KIAA1217: variants seen among roughly 807,000 people sequenced by gnomAD.
The protein encoded by KIAA1217 is sickle tail protein homolog.
Under a neutral mutation model 163.9 loss-of-function variants are expected in KIAA1217, and 88 were observed. The ratio of observed to expected loss-of-function variants is 0.54; its 90% confidence interval spans 0.45 to 0.64. KIAA1217 has a LOEUF of 0.64. KIAA1217 is among the 30% of genes least tolerant of loss of function. KIAA1217 has a pLI of 0.00. For synonymous variants in KIAA1217, 903 were observed against 923.1 expected, an observed-to-expected ratio of 0.98 and a Z score of 0.39; for missense variants, 2,372 against 2,475.0, an observed-to-expected ratio of 0.96 and a Z score of 0.88.
intron 3 of KIAA1217, among the ~76,000 whole-genome samples, chr10:24,424,982 G>A (rs989287332): frequency 2.0e-5 from 3 of 152,160 alleles, no homozygotes; most frequent in Admixed American, 6.5e-5. Flanking sequence ...GGAATCTTTT[G>A]CTTACCTTAA....
intron 1 of KIAA1217, among the ~76,000 whole-genome samples, chr10:23,987,866 T>C: frequency 6.6e-6 from 1 of 152,124 alleles, no homozygotes; most frequent in East Asian, 1.9e-4. Flanking sequence ...AAACCTCTCA[T>C]TGTTATCTTG....
At chr10:24,178,946 G>A (rs1245113904) in intron 2 of KIAA1217, among the ~76,000 whole-genome samples, 3 of 152,034 alleles carry the variant, frequency 2.0e-5, no homozygotes, top group Non-Finnish European at 4.4e-5. Flanking sequence ...TCACTTTTGA[G>A]CATTTCTTCC....
intron 1 of KIAA1217, among the ~76,000 whole-genome samples, chr10:23,996,035 A>G (rs1279593117): frequency 6.6e-6 from 1 of 152,156 alleles, no homozygotes; most frequent in African/African-American, 2.4e-5. Context: ...TGCAAATTCA[A>G]ACTGGGGTTG....
intron 2 of KIAA1217, among the ~76,000 whole-genome samples, chr10:24,300,483 T>G (rs2041180427): frequency 6.6e-6 from 1 of 152,162 alleles, no homozygotes; most frequent in Non-Finnish European, 1.5e-5. Context: ...ATATCCTGCC[T>G]CTGTTTCTAC....
rs539790862 is a variant in KIAA1217 at position 23,878,077 on chromosome 10, T to G, written c.-320-129148T>G. On this transcript the variant is annotated intron_variant, in intron 1 of 18. Coordinates refer to the KIAA1217 transcript ENST00000376462. ...AGGCACAAATGCCCTCTGCTTTTTT[T>G]TCTTGGCAGGGAGGCTCTAAAACAA... Among the ~76,000 whole-genome samples, 6 of 152,052 alleles carry G rather than the reference T, an allele frequency of 3.9e-5. No homozygotes were observed. In the East Asian group the frequency reaches 7.8e-4, roughly 20 times the overall value.
At chr10:24,172,746 C>A (rs144705210) in intron 2 of KIAA1217, among the ~76,000 whole-genome samples, 3 of 152,308 alleles carry the variant, frequency 2.0e-5, no homozygotes, top group Admixed American at 6.5e-5. Context: ...AGTTCCCTAC[C>A]TGTGCACAAG....
At chr10:24,490,951 T>C (rs2066035858) in intron 6 of KIAA1217, among the ~76,000 whole-genome samples, 1 of 152,204 alleles carries the variant, frequency 6.6e-6, no homozygotes, top group Non-Finnish European at 1.5e-5. Context: ...GGAGTGCATA[T>C]AGCCCTTTTG....
At chr10:23,869,727 TAAG>T (rs1317983645) in intron 1 of KIAA1217, among the ~76,000 whole-genome samples, 1 of 152,078 alleles carries the variant, frequency 6.6e-6, no homozygotes, top group Non-Finnish European at 1.5e-5. Flanking sequence ...GCCACACTGG[TAAG>T]ACAAGTACCA....
intron 2 of KIAA1217, among the ~76,000 whole-genome samples, chr10:24,353,507 C>T (rs140619617): frequency 3.1e-4 from 47 of 152,280 alleles, no homozygotes; most frequent in African/African-American, 1.1e-3. Context: ...CTTTTAATGA[C>T]ATCACTCAGT....
chr10:23,847,434 T>C (rs1334506029), intron 1 of KIAA1217, among the ~76,000 whole-genome samples: 1 of 152,216 alleles, frequency 6.6e-6, no homozygotes, highest in Non-Finnish European at 1.5e-5. Flanking sequence ...GGGATTCGAC[T>C]TCTTCCTGGT....
chr10:23,748,439 T>TGGAAGGAAGGAA (rs1191194593), intron 1 of KIAA1217, among the ~76,000 whole-genome samples: 2 of 133,762 alleles, frequency 1.5e-5, no homozygotes, highest in African/African-American at 6.3e-5. Context: ...GAAATGCTTC[T>TGGAAGGAAGGAA]GGAAGGAAGG....
chr10:23,859,122 A>G (rs1385651680), intron 1 of KIAA1217, among the ~76,000 whole-genome samples: 1 of 152,212 alleles, frequency 6.6e-6, no homozygotes, highest in Non-Finnish European at 1.5e-5. Flanking sequence ...CCATATATGT[A>G]TATGTCTTTG....
intron 1 of KIAA1217, among the ~76,000 whole-genome samples, chr10:23,982,621 T>C (rs1163171293): frequency 2.1e-5 from 3 of 145,012 alleles, no homozygotes; most frequent in Non-Finnish European, 4.5e-5. Context: ...TGGAGTGCAA[T>C]GGCGTGGTCT....
At chr10:23,933,164 T>C (rs1327083930) in intron 1 of KIAA1217, among the ~76,000 whole-genome samples, 1 of 152,246 alleles carries the variant, frequency 6.6e-6, no homozygotes, top group African/African-American at 2.4e-5. Context: ...TAGGGTCTGC[T>C]CGCTTGCATC....
chr10:24,000,645 G>T (rs1277642253), intron 1 of KIAA1217, among the ~76,000 whole-genome samples: 1 of 152,174 alleles, frequency 6.6e-6, no homozygotes, highest in African/African-American at 2.4e-5. Context: ...AGTATCCTGG[G>T]GCACAAGTGG....
intron 10 of KIAA1217, among the ~76,000 whole-genome samples, chr10:24,518,425 G>A (rs150220134): frequency 2.6e-5 from 4 of 152,254 alleles, no homozygotes; most frequent in African/African-American, 9.6e-5. Context: ...AAGCGTCTCC[G>A]TATGCAAGGT....
chr10:24,128,892 A>G (rs1397943916), intron 2 of KIAA1217, among the ~76,000 whole-genome samples: 1 of 152,234 alleles, frequency 6.6e-6, no homozygotes, highest in East Asian at 1.9e-4. Flanking sequence ...TTATTACCTA[A>G]GCTCTCGTAG....
intron 2 of KIAA1217, among the ~76,000 whole-genome samples, chr10:24,151,934 T>C (rs1473967673): frequency 3.3e-5 from 5 of 152,172 alleles, no homozygotes; most frequent in Non-Finnish European, 5.9e-5. Context: ...ATGCTCTATC[T>C]GTACTCTTCC....
intron 2 of KIAA1217, among the ~76,000 whole-genome samples, chr10:24,175,435 G>GTA (rs999599917): frequency 1.0e-4 from 13 of 125,148 alleles, no homozygotes; most frequent in East Asian, 4.7e-4. Flanking sequence ...ATTCCATGGT[G>GTA]TATATATATG....
Sources: gnomAD v4.1 joint callset for allele counts (sites outside exome capture counted in the v4.1 genomes callset) on GRCh38, gnomAD v4.1.1 for gene constraint, MANE v1.5 for transcripts, NCBI Gene and HGNC (gene_info 2026-07-23, HGNC 2026-07-21) for gene names.